Variants in ITPR1 observed in about 807,000 individuals in gnomAD.
ITPR1 encodes the protein inositol 1,4,5-trisphosphate receptor type 1, also known as inositol 1,4,5-trisphosphate-gated calcium channel ITPR1.
In ITPR1, 96 loss-of-function variants were observed where a neutral mutation model predicts 318.4. That is an observed-to-expected ratio of 0.30 (90% CI 0.26 to 0.36). ITPR1 has a LOEUF of 0.36. Ranked by LOEUF, ITPR1 falls within the 10% of genes least tolerant of loss-of-function variation. The probability of loss-of-function intolerance (pLI) is 1.00; values close to 1 mark genes in which losing one functional copy is unlikely to be tolerated. For synonymous variants in ITPR1, 1,312 were observed against 1,289.9 expected, an observed-to-expected ratio of 1.02 and a Z score of -0.37; for missense variants, 2,440 against 3,460.2, an observed-to-expected ratio of 0.71 and a Z score of 7.40.
intron 12 of ITPR1, among the ~76,000 whole-genome samples, chr3:4,657,166 G>A (rs2093729108): frequency 6.6e-6 from 1 of 152,180 alleles, no homozygotes; most frequent in Admixed American, 6.5e-5. Flanking sequence ...GGGCTACGCT[G>A]ACTTCTCAAA....
At chr3:4,833,362 G>C (rs73008913) in intron 60 of ITPR1, among the ~76,000 whole-genome samples, 1 of 152,148 alleles carries the variant, frequency 6.6e-6, no homozygotes, top group Non-Finnish European at 1.5e-5. Context: ...GGAGTCTTTC[G>C]AAGGCCTCAT....
chr3:4,659,881 T>G (rs1185833845), intron 13 of ITPR1, among the ~76,000 whole-genome samples: 1 of 152,154 alleles, frequency 6.6e-6, no homozygotes, highest in Non-Finnish European at 1.5e-5. Context: ...TATAATAAAT[T>G]TGTATTCTAT....
At chr3:4,792,363 T>G (rs2047619060) in intron 52 of ITPR1, among the ~76,000 whole-genome samples, 1 of 152,222 alleles carries the variant, frequency 6.6e-6, no homozygotes, top group Non-Finnish European at 1.5e-5. Context: ...GTAGGTTAGT[T>G]GCTTTTTATT....
At chr3:4,713,440 G>A (rs2041529602) in intron 39 of ITPR1, among the ~76,000 whole-genome samples, 1 of 152,206 alleles carries the variant, frequency 6.6e-6, no homozygotes, top group African/African-American at 2.4e-5. Context: ...GTTCCCTGCA[G>A]TTGTCTTTTT....
intron 16 of ITPR1, 132 bp from the exon 17 acceptor site, chr3:4,665,006 T>C (rs2093916269): frequency 2.3e-6 from 2 of 870,944 alleles, no homozygotes; most frequent in Non-Finnish European, 3.7e-6. Context: ...AGTGTTCAGG[T>C]TATGGATGTG....
chr3:4,765,227 G>A (rs778557293), intron 44 of ITPR1, among the ~76,000 whole-genome samples: 1 of 152,138 alleles, frequency 6.6e-6, no homozygotes, highest in Non-Finnish European at 1.5e-5. Context: ...TTTGGCAGTG[G>A]CTGGAGGGAA....
intron 4 of ITPR1, among the ~76,000 whole-genome samples, chr3:4,587,471 A>G (rs2090024461): frequency 6.6e-6 from 1 of 152,048 alleles, no homozygotes; most frequent in Non-Finnish European, 1.5e-5. Context: ...GGGTTTCACC[A>G]CGTTGGCCAG....
intron 61 of ITPR1, among the ~76,000 whole-genome samples, chr3:4,838,985 A>G (rs1449399232): frequency 3.9e-5 from 6 of 152,222 alleles, no homozygotes; most frequent in African/African-American, 1.4e-4. Context: ...TTTACAAACC[A>G]TTGAGCCTCA....
intron 44 of ITPR1, among the ~76,000 whole-genome samples, chr3:4,738,098 T>C (rs2043408868): frequency 6.6e-6 from 1 of 151,986 alleles, no homozygotes; most frequent in African/African-American, 2.4e-5. Context: ...GATGGAAAAA[T>C]AACTAATGGG....
chr3:4,518,877 T>C (rs2082350999), intron 3 of ITPR1, among the ~76,000 whole-genome samples: 1 of 152,192 alleles, frequency 6.6e-6, no homozygotes, highest in Non-Finnish European at 1.5e-5. Context: ...CAAGACCAGC[T>C]TTTAAGACCA....
chr3:4,795,616 C>A (rs1197570772), intron 53 of ITPR1, among the ~76,000 whole-genome samples: 1 of 152,134 alleles, frequency 6.6e-6, no homozygotes, highest in Non-Finnish European at 1.5e-5. Flanking sequence ...TGATTTCAGA[C>A]TAAAGAATTT....
chr3:4,641,022 G>A (rs919525536), intron 6 of ITPR1, among the ~76,000 whole-genome samples: 8 of 152,312 alleles, frequency 5.3e-5, no homozygotes, highest in East Asian at 1.9e-4. Flanking sequence ...CTCCAACTGC[G>A]CTGTTCGGGG....
chr3:4,836,867 G>A lies in ITPR1; in HGVS notation c.8122G>A (p.Glu2708Lys). 1.3e-6 allele frequency: 2 copies of A among 1,596,670 alleles called. No homozygotes were observed. The highest frequency in any genetic ancestry group is 1.7e-6 in the Non-Finnish European group (2 of 1,167,986). The change falls in exon 61 of 62, where the codon GAG becomes AAG. Residue 2708 changes from glutamate to lysine, a missense_variant. Around this residue, in one of 23 missense-constraint regions of ITPR1, gnomAD observed 63 missense variants for 63.4 expected, o/e 0.99. Transcript: ENST00000649015. The stretch of plus-strand genomic sequence containing the variant: ...ACAGAATGAGCTGAGAAACCTGCAG[G>A]AGAAGCTGGAGTCCACCATGAAACT... Reference protein sequence around the residue: ...GEQNELRNLQEKLESTMKLVT... With the variant: ...GEQNELRNLQKKLESTMKLVT...
At chr3:4,529,446 GT>G (rs2083240357) in intron 4 of ITPR1, among the ~76,000 whole-genome samples, 1 of 152,188 alleles carries the variant, frequency 6.6e-6, no homozygotes, top group African/African-American at 2.4e-5. Flanking sequence ...GTATACTGTG[GT>G]TGATTACGGA....
intron 61 of ITPR1, among the ~76,000 whole-genome samples, chr3:4,842,933 G>C (rs1338742363): frequency 6.6e-6 from 1 of 152,154 alleles, no homozygotes; most frequent in Non-Finnish European, 1.5e-5. Flanking sequence ...GGTGGGGTAG[G>C]TAAGTAGATA....
chr3:4,576,315 GC>G (rs2088651779), intron 4 of ITPR1, among the ~76,000 whole-genome samples: 1 of 152,234 alleles, frequency 6.6e-6, no homozygotes, highest in Admixed American at 6.5e-5. Context: ...ACCTGAATGT[GC>G]ATAAGAATAT....
At chr3:4,736,803 A>G (rs2125323441) in intron 44 of ITPR1, among the ~76,000 whole-genome samples, 1 of 152,302 alleles carries the variant, frequency 6.6e-6, no homozygotes, top group Non-Finnish European at 1.5e-5. Context: ...TTAGAACCAC[A>G]TGATTTCCTG....
In ITPR1 at chr3:4,520,503, C is replaced by G. The variant is rs190975631; in HGVS notation, c.93-521C>G. 3.8e-4 allele frequency among the ~76,000 whole-genome samples: 58 copies of G among 152,326 alleles called. 1 individual carries two copies. The East Asian group carries it at 8.1e-3, about 21-fold the overall frequency. On this transcript the variant is annotated intron_variant, in intron 3 of 61. Transcript: ENST00000649015. ...TCTTCCAGTAGTTCCATTAGAACTT[C>G]CTCTGTCTGCAGCTTCTCAGATGAC...
intron 60 of ITPR1, among the ~76,000 whole-genome samples, chr3:4,822,756 C>T (rs1479751181): frequency 6.6e-6 from 1 of 152,182 alleles, no homozygotes. Context: ...GAGCCCTCCT[C>T]CACTGTAACT....
Sources: allele counts gnomAD v4.1 joint callset (sites outside exome capture counted in the v4.1 genomes callset), GRCh38; gene constraint gnomAD v4.1.1; regional missense constraint gnomAD v4.1.1; transcripts MANE v1.5; gene names NCBI Gene and HGNC (gene_info 2026-07-23, HGNC 2026-07-21).